Variants in SPMIP3 observed in about 807,000 individuals in gnomAD.
SPMIP3 encodes the protein sperm microtubule inner protein 3.
the SPMIP3 span, chr1:244,389,097 G>C: frequency 6.4e-7 from 1 of 1,560,720 alleles, no homozygotes; most frequent in Non-Finnish European, 8.8e-7. Flanking sequence ...AATAACGTTT[G>C]GCATTCTTAG....
chr1:244,386,520 C>A, the SPMIP3 span, among the ~76,000 whole-genome samples: 1 of 152,178 alleles, frequency 6.6e-6, no homozygotes, highest in Admixed American at 6.5e-5. Flanking sequence ...TGATTCAACC[C>A]CATCGTACAG....
chr1:244,370,247 T>C, the SPMIP3 span, among the ~76,000 whole-genome samples: 1 of 152,188 alleles, frequency 6.6e-6, no homozygotes, highest in African/African-American at 2.4e-5. Flanking sequence ...ATCATTCCCA[T>C]TTTACTGATG....
At chr1:244,381,197 G>A in the SPMIP3 span, among the ~76,000 whole-genome samples, 7 of 151,616 alleles carry the variant, frequency 4.6e-5, no homozygotes, top group African/African-American at 1.7e-4. Context: ...GCTGAGGAGG[G>A]GGCTAAAAAG....
At chr1:244,356,918 CT>C in the SPMIP3 span, among the ~76,000 whole-genome samples, 620 of 103,748 alleles carry the variant, frequency 6.0e-3, no homozygotes, top group African/African-American at 0.013. Context: ...TTTTCTTTTC[CT>C]TTTTTTTTTT....
chr1:244,367,945 T>TTTTTG, the SPMIP3 span, among the ~76,000 whole-genome samples: 11 of 152,100 alleles, frequency 7.2e-5, no homozygotes, highest in South Asian at 4.2e-4. Context: ...GGTTTTTGGT[T>TTTTTG]TTTTGTTTTG....
the SPMIP3 span, among the ~76,000 whole-genome samples, chr1:244,373,833 G>C: frequency 6.6e-6 from 1 of 151,940 alleles, no homozygotes; most frequent in South Asian, 2.1e-4. Flanking sequence ...CATATTTCTG[G>C]CCGGGTGCAG....
chr1:244,363,816 C>T, the SPMIP3 span, among the ~76,000 whole-genome samples: 1 of 152,234 alleles, frequency 6.6e-6, no homozygotes, highest in Admixed American at 6.5e-5. Context: ...ATATGCTCCA[C>T]AACCTTGCTT....
chr1:244,356,933 T>C, the SPMIP3 span, among the ~76,000 whole-genome samples: 1 of 146,402 alleles, frequency 6.8e-6, no homozygotes, highest in African/African-American at 2.5e-5. Context: ...TTTTTTTTTT[T>C]TTTTTTTGAG....
At chr1:244,357,707 C>CA in the SPMIP3 span, among the ~76,000 whole-genome samples, 735 of 95,064 alleles carry the variant, frequency 7.7e-3, 26 homozygotes, top group African/African-American at 0.026. Context: ...GACTCCATCT[C>CA]AAAAAAAAAA....
chr1:244,359,405 A>G, the SPMIP3 span, among the ~76,000 whole-genome samples: 1 of 152,174 alleles, frequency 6.6e-6, no homozygotes, highest in African/African-American at 2.4e-5. Flanking sequence ...TAAACAATCA[A>G]TAGGGAAAAG....
the SPMIP3 span, among the ~76,000 whole-genome samples, chr1:244,377,222 C>T: frequency 3.4e-5 from 5 of 148,392 alleles, no homozygotes; most frequent in Admixed American, 2.0e-4. Context: ...CCCGGGTTCA[C>T]GCCATTCTCC....
At chr1:244,375,975 C>T in the SPMIP3 span, among the ~76,000 whole-genome samples, 1 of 152,072 alleles carries the variant, frequency 6.6e-6, no homozygotes, top group Admixed American at 6.6e-5. Flanking sequence ...CCCATAGGCA[C>T]TTTGACCTTA....
the SPMIP3 span, among the ~76,000 whole-genome samples, chr1:244,377,199 G>A: frequency 6.7e-6 from 1 of 148,754 alleles, no homozygotes; most frequent in Non-Finnish European, 1.5e-5. Context: ...TCAGCTCACT[G>A]CAAGCTCCGC....
the SPMIP3 span, among the ~76,000 whole-genome samples, chr1:244,386,746 T>C: frequency 2.0e-5 from 3 of 152,176 alleles, no homozygotes; most frequent in African/African-American, 7.2e-5. Context: ...ACTCCTTGGG[T>C]TAGTGAAATG....
At chr1:244,374,818 G>A in the SPMIP3 span, among the ~76,000 whole-genome samples, 14 of 151,510 alleles carry the variant, frequency 9.2e-5, no homozygotes, top group Non-Finnish European at 1.8e-4. Context: ...GGTTGGTCTC[G>A]AACTCCTGAC....
chr1:244,373,332 T>TTTTATATATATATATATATATATA, the SPMIP3 span, among the ~76,000 whole-genome samples: 384 of 85,176 alleles, frequency 4.5e-3, 56 homozygotes, highest in Admixed American at 7.8e-3. Context: ...CAAAAAAAAA[T>TTTTATATATATATATATATATATA]TATATATATA....
chr1:244,359,485 G>C, the SPMIP3 span, among the ~76,000 whole-genome samples: 2 of 152,330 alleles, frequency 1.3e-5, no homozygotes, highest in South Asian at 4.1e-4. Flanking sequence ...ACTTTGGGAG[G>C]CAGAGGTGGG....
At chr1:244,355,457 G>A in the SPMIP3 span, among the ~76,000 whole-genome samples, 6 of 151,482 alleles carry the variant, frequency 4.0e-5, no homozygotes, top group South Asian at 2.1e-4. Flanking sequence ...GTGTGATCTC[G>A]GCTCACTGCA....
the SPMIP3 span, among the ~76,000 whole-genome samples, chr1:244,372,679 G>A: frequency 1.3e-5 from 2 of 151,846 alleles, no homozygotes; most frequent in Admixed American, 6.6e-5. Flanking sequence ...TCCTGACCTT[G>A]CGATCCGCCC....
Sources: allele counts gnomAD v4.1 joint callset (sites outside exome capture counted in the v4.1 genomes callset), GRCh38; gene constraint gnomAD v4.1.1; transcripts MANE v1.5; gene names NCBI Gene and HGNC (gene_info 2026-07-23, HGNC 2026-07-21).